The following GALNT7 variants were observed in gnomAD, a reference collection of about 807,000 sequenced individuals.
The protein encoded by GALNT7 is polypeptide N-acetylgalactosaminyltransferase 7, also known as N-acetylgalactosaminyltransferase 7.
Under a neutral mutation model 82.1 loss-of-function variants are expected in GALNT7, and 60 were observed. That is an observed-to-expected ratio of 0.73 (90% confidence interval 0.59 to 0.91). The LOEUF (loss-of-function observed/expected upper bound fraction) is 0.91, where lower values mean the gene tolerates loss of function less well. Among genes scored for constraint, GALNT7 ranks in the 40% least tolerant of loss-of-function variants. The pLI is 0.00. For missense variants in GALNT7, 660 were observed against 804.2 expected, an observed-to-expected ratio of 0.82 and a Z score of 2.17; for synonymous variants, 243 against 275.1, an observed-to-expected ratio of 0.88 and a Z score of 1.15.
chr4:173,239,759 A>T (rs1004398264), intron 1 of GALNT7, among the ~76,000 whole-genome samples: 12 of 152,204 alleles, frequency 7.9e-5, no homozygotes, highest in African/African-American at 2.7e-4. Context: ...TCCAGTAATA[A>T]TTTTAACTTA....
At chr4:173,256,736 T>A (rs1162907267) in intron 2 of GALNT7, among the ~76,000 whole-genome samples, 1 of 152,260 alleles carries the variant, frequency 6.6e-6, no homozygotes, top group African/African-American at 2.4e-5. Context: ...GGCTTAGGGC[T>A]ATGCTATGAC....
intron 2 of GALNT7, among the ~76,000 whole-genome samples, chr4:173,280,870 G>GT (rs1173881579): frequency 6.6e-6 from 1 of 152,124 alleles, no homozygotes; most frequent in African/African-American, 2.4e-5. Context: ...CTACTTCTGT[G>GT]TGCTCTACCC....
intron 1 of GALNT7, among the ~76,000 whole-genome samples, chr4:173,183,218 A>G (rs1463048923): frequency 6.6e-6 from 1 of 152,192 alleles, no homozygotes; most frequent in Admixed American, 6.5e-5. Flanking sequence ...TGGAACTTAA[A>G]AAAAATGTGT....
At chr4:173,270,963 T>C (rs955971952) in intron 2 of GALNT7, among the ~76,000 whole-genome samples, 1 of 152,178 alleles carries the variant, frequency 6.6e-6, no homozygotes, top group Non-Finnish European at 1.5e-5. Context: ...CCAGCTGATA[T>C]CAGAAGGGAA....
chr4:173,189,785 T>A (rs1416471473), intron 1 of GALNT7, among the ~76,000 whole-genome samples: 2 of 152,218 alleles, frequency 1.3e-5, no homozygotes. Flanking sequence ...TGTTCATGAA[T>A]GGCTCTGGAA....
chr4:173,265,130 C>T (rs1165424757), intron 2 of GALNT7, among the ~76,000 whole-genome samples: 1 of 152,200 alleles, frequency 6.6e-6, no homozygotes, highest in Non-Finnish European at 1.5e-5. Flanking sequence ...TGCCCTTCTT[C>T]GGTTTCCCCA....
chr4:173,319,275 T>TAA (rs370313394), intron 11 of GALNT7, among the ~76,000 whole-genome samples: 1,566 of 152,188 alleles, frequency 0.01, 31 homozygotes, highest in African/African-American at 0.036. Flanking sequence ...TGCCTCACAC[T>TAA]AAAAAAATCT....
At chr4:173,198,469 C>G (rs1334889024) in intron 1 of GALNT7, among the ~76,000 whole-genome samples, 1 of 152,030 alleles carries the variant, frequency 6.6e-6, no homozygotes, top group Non-Finnish European at 1.5e-5. Context: ...GTGGCCCTTC[C>G]CAGAGTGTCC....
chr4:173,287,186 A>G (rs73872532), intron 2 of GALNT7, among the ~76,000 whole-genome samples: 5,094 of 152,328 alleles, frequency 0.033, 274 homozygotes, highest in African/African-American at 0.11. Context: ...AAAGCTTGGA[A>G]GAGTTAATAG....
At chr4:173,201,443 G>T (rs185303658) in intron 1 of GALNT7, among the ~76,000 whole-genome samples, 2 of 152,162 alleles carry the variant, frequency 1.3e-5, no homozygotes, top group Admixed American at 6.5e-5. Context: ...CTGCCTTATG[G>T]AATCAAGGTA....
intron 4 of GALNT7, 94 bp from the exon 5 acceptor site, chr4:173,295,670 T>C: frequency 1.2e-5 from 14 of 1,124,724 alleles, no homozygotes; most frequent in Non-Finnish European, 1.9e-5. Context: ...TTGACTATAA[T>C]GCTAATTTTT....
chr4:173,298,621 A>T (rs1736808279), intron 6 of GALNT7, among the ~76,000 whole-genome samples: 2 of 152,244 alleles, frequency 1.3e-5, no homozygotes, highest in South Asian at 4.1e-4. Context: ...TAGACATCAA[A>T]TTTTATTCTT....
chr4:173,314,155 CA>C lies in GALNT7; in HGVS notation c.1592del (p.Asn531MetfsTer29). On this transcript the variant is annotated frameshift_variant, in exon 9 of 12. Coordinates refer to ENST00000265000, the MANE Select transcript of GALNT7 (RefSeq NM_017423.3). LOFTEE classifies it high-confidence loss of function. ...TCACCTCACACTACCCTTTGCCACC[CA>C]AAAATGTTGACTGGGGAGAAGTAAG... ...DITSHYPLPPKNVDWGEIRGF... is the reference protein window; with the variant it reads ...DITSHYPLPPXNVDWGEIRGF... 1 of 1,609,768 alleles carries C rather than the reference CA, an allele frequency of 6.2e-7. No homozygotes were observed. Among genetic ancestry groups the C allele is most frequent in the Non-Finnish European group, 8.5e-7 (1 of 1,176,106 alleles).
At chr4:173,318,380 A>T in intron 10 of GALNT7, 51 bp from the exon 11 acceptor site, 1 of 1,477,124 alleles carries the variant, frequency 6.8e-7, no homozygotes, top group South Asian at 1.3e-5. Context: ...TCAAATGCAC[A>T]TCAGCAGGGA....
At chr4:173,169,068 C>G in intron 1 of GALNT7, 107 bp downstream of exon 1, 4 of 1,057,692 alleles carry the variant, frequency 3.8e-6, no homozygotes, top group Non-Finnish European at 5.3e-6. Context: ...GGCGTGGGCA[C>G]CGCAGCTCCG....
At chr4:173,318,100 TA>T (rs774068446) in intron 10 of GALNT7, among the ~76,000 whole-genome samples, 1 of 152,226 alleles carries the variant, frequency 6.6e-6, no homozygotes, top group Non-Finnish European at 1.5e-5. Flanking sequence ...TTACTGCCAG[TA>T]ATGTATATTT....
chr4:173,257,755 G>T (rs1735097991), intron 2 of GALNT7, among the ~76,000 whole-genome samples: 1 of 152,150 alleles, frequency 6.6e-6, no homozygotes, highest in Non-Finnish European at 1.5e-5. Flanking sequence ...AAATATTCGT[G>T]CATTCTCCAG....
intron 1 of GALNT7, among the ~76,000 whole-genome samples, chr4:173,201,385 C>T (rs1170257192): frequency 6.6e-6 from 1 of 152,088 alleles, no homozygotes; most frequent in Non-Finnish European, 1.5e-5. Flanking sequence ...AATATATAAA[C>T]CTAAATATGA....
chr4:173,228,535 A>G lies in GALNT7; in HGVS notation c.127-19445A>G, dbSNP rs148123577. 5.7e-3 allele frequency among the ~76,000 whole-genome samples: 873 copies of G among 152,184 alleles called. 8 individuals are homozygous for G. The highest frequency in any genetic ancestry group is 0.02 in the African/African-American group (835 of 41,528). On this transcript the variant is annotated intron_variant, in intron 1 of 11. Transcript: ENST00000265000. The stretch of plus-strand genomic sequence containing the variant: ...TTTGTTTGTTTCTAGTAGATTGGCT[A>G]GTATACAGGCTGCAGTGAGCATTTC...
Sources: gnomAD v4.1 joint callset for allele counts (sites outside exome capture counted in the v4.1 genomes callset) on GRCh38, gnomAD v4.1.1 for gene constraint, MANE v1.5 for transcripts, NCBI Gene and HGNC (gene_info 2026-07-23, HGNC 2026-07-21) for gene names.